Variants in RGSL1 observed in about 807,000 individuals in gnomAD.
The protein encoded by RGSL1 is regulator of G protein signaling like 1, also known as regulator of G protein signaling protein-like.
RGSL1 carries 97 observed loss-of-function variants against 124.7 expected under a neutral mutation model. That is an observed-to-expected ratio of 0.78 (90% CI 0.66 to 0.92). RGSL1 has a LOEUF of 0.92. Ranked by LOEUF, RGSL1 falls within the 40% of genes least tolerant of loss-of-function variation. The pLI is 0.00. For missense variants in RGSL1, 1,233 were observed against 1,288.4 expected, an observed-to-expected ratio of 0.96 and a Z score of 0.66; for synonymous variants, 424 against 438.1, an observed-to-expected ratio of 0.97 and a Z score of 0.40.
rs371851357 is a variant in RGSL1 at position 182,548,822 on chromosome 1, A to G, written c.2931A>G (p.Lys977=). The G allele has an allele frequency of 1.7e-5, 27 of 1,551,424 alleles. No homozygotes were observed. The African/African-American group carries it at 2.2e-4, about 13-fold the overall frequency. ...SVFPVVMYFW[K]RFCFWKATRS... ...TCCCCGTTGTTATGTACTTCTGGAAAAGGTAACTGTTTCTCCTTATTCAGT... is the reference window on the plus strand; with the variant it reads ...TCCCCGTTGTTATGTACTTCTGGAAGAGGTAACTGTTTCTCCTTATTCAGT... Residue 977 remains lysine (K), a splice_region_variant and synonymous_variant, in exon 17 of 22, where the codon AAA becomes AAG. Coordinates refer to ENST00000294854, the MANE Select transcript of RGSL1 (RefSeq NM_001137669.2).
chr1:182,522,002 A>G lies in RGSL1; in HGVS notation c.1826-2A>G. 3 of 1,510,036 alleles carry G rather than the reference A, an allele frequency of 2.0e-6. No individual in the cohort carries two copies. In the South Asian group the frequency reaches 3.8e-5, roughly 19 times the overall value. The allele number at this position is 1,510,036 out of a possible 1,614,324, so 93.5% of individuals were successfully genotyped here. ...TCTCCAACTTAGTGATTTTTTTTTT[A>G]GATTTTAAAATGGAAATTATCAAGG... is the stretch of plus-strand genomic sequence containing the variant. On this transcript the variant is annotated splice_acceptor_variant, in intron 9 of 21. Transcript: ENST00000294854. LOFTEE classifies it high-confidence loss of function.
At chr1:182,547,386 G>A (rs926767989) in intron 15 of RGSL1, among the ~76,000 whole-genome samples, 8 of 152,112 alleles carry the variant, frequency 5.3e-5, no homozygotes, top group Non-Finnish European at 1.2e-4. Flanking sequence ...AAGGATGTGG[G>A]GGAGGTAATG....
At chr1:182,532,818 C>T (rs764790732) in intron 14 of RGSL1, 27 bp downstream of exon 14, 20 of 1,541,738 alleles carry the variant, frequency 1.3e-5, no homozygotes, top group South Asian at 4.8e-5. Context: ...TTTACCCCCA[C>T]TCCCTGTTGA....
At chr1:182,499,569 ATTGC>A (rs1210338782) in intron 9 of RGSL1, among the ~76,000 whole-genome samples, 2 of 152,032 alleles carry the variant, frequency 1.3e-5, no homozygotes, top group Admixed American at 6.6e-5. Flanking sequence ...TGTGGGTGTC[ATTGC>A]ATGTGAGATG....
At chr1:182,559,378 C>T (rs1661043557) in intron 21 of RGSL1, among the ~76,000 whole-genome samples, 1 of 152,176 alleles carries the variant, frequency 6.6e-6, no homozygotes, top group Admixed American at 6.5e-5. Context: ...TCTGCCTCCC[C>T]TCCCATATTT....
intron 9 of RGSL1, among the ~76,000 whole-genome samples, chr1:182,502,264 T>C (rs1380735677): frequency 6.6e-6 from 1 of 152,134 alleles, no homozygotes; most frequent in Non-Finnish European, 1.5e-5. Flanking sequence ...CTAGTCTTTA[T>C]TATTCCTTTC....
At chr1:182,534,766 G>A (rs1478360070) in intron 14 of RGSL1, among the ~76,000 whole-genome samples, 1 of 151,986 alleles carries the variant, frequency 6.6e-6, no homozygotes, top group African/African-American at 2.4e-5. Context: ...GGCAGAGGTT[G>A]CAGTGATCCG....
intron 11 of RGSL1, among the ~76,000 whole-genome samples, 165 bp downstream of exon 11, chr1:182,527,937 C>A (rs1443470583): frequency 6.6e-6 from 1 of 152,088 alleles, no homozygotes; most frequent in Non-Finnish European, 1.5e-5. Context: ...AAGCAGAGAA[C>A]AGTAATAATA....
chr1:182,503,120 A>G (rs1251319601), intron 9 of RGSL1, among the ~76,000 whole-genome samples: 2 of 152,220 alleles, frequency 1.3e-5, no homozygotes, highest in African/African-American at 2.4e-5. Context: ...AACTAAAAAT[A>G]GAGCTATCAT....
intron 15 of RGSL1, among the ~76,000 whole-genome samples, chr1:182,541,930 GT>G (rs1659917231): frequency 1.3e-5 from 2 of 152,058 alleles, no homozygotes; most frequent in African/African-American, 4.8e-5. Context: ...GATTATTTGG[GT>G]TTTTTGTTAT....
intron 9 of RGSL1, among the ~76,000 whole-genome samples, chr1:182,494,344 T>A (rs970020506): frequency 6.6e-6 from 1 of 152,236 alleles, no homozygotes; most frequent in Non-Finnish European, 1.5e-5. Context: ...AGTAGAAGCA[T>A]TCTGCCTCCA....
At position 182,482,390 on chromosome 1, in the gene RGSL1, T is replaced by C. The variant is rs149458535; in HGVS notation, c.1432-5895T>C. ...TACTGGAAGTCCTAGCCAGAGAAAG[T>C]AGACAAGAAAAATAAAAAATAAAAA... On this transcript the variant is annotated intron_variant, in intron 6 of 21. Coordinates refer to ENST00000294854, the MANE Select transcript of RGSL1 (RefSeq NM_001137669.2). 6.5e-3 allele frequency among the ~76,000 whole-genome samples: 981 copies of C among 149,784 alleles called. 13 individuals are homozygous for C. The highest frequency in any genetic ancestry group is 0.023 in the African/African-American group (942 of 40,976).
At chr1:182,472,709 G>T in intron 5 of RGSL1, 152 bp downstream of exon 5, 1 of 720,672 alleles carries the variant, frequency 1.4e-6, no homozygotes, top group Non-Finnish European at 2.1e-6. Flanking sequence ...CCCTTAACCA[G>T]GAAAGTATTG....
chr1:182,458,519 CAGTGCGGT>C, intron 3 of RGSL1, 126 bp downstream of exon 3: 1 of 789,304 alleles, frequency 1.3e-6, no homozygotes, highest in South Asian at 1.7e-5. Flanking sequence ...ACCCAGGCTG[CAGTGCGGT>C]GATGCGATCT....
intron 7 of RGSL1, 60 bp from the exon 8 acceptor site, chr1:182,488,920 T>C (rs1655315669): frequency 7.3e-7 from 1 of 1,366,648 alleles, no homozygotes. Context: ...ATTACAAAAT[T>C]ATTGCTTCTG....
At chr1:182,464,247 A>G (rs1328097880) in intron 4 of RGSL1, among the ~76,000 whole-genome samples, 2 of 152,056 alleles carry the variant, frequency 1.3e-5, no homozygotes, top group African/African-American at 4.8e-5. Context: ...AAAAATCTCA[A>G]ATAACACAAC....
chr1:182,454,001 AGT>A lies in RGSL1; in HGVS notation c.58_59del (p.Val20LeufsTer23). On this transcript the variant is annotated frameshift_variant, in exon 2 of 22. Coordinates refer to ENST00000294854, the MANE Select transcript of RGSL1 (RefSeq NM_001137669.2). LOFTEE classifies it high-confidence loss of function. ...TNLIILLEDE[V>X]FADFFNTFLS... ...ATCTTATAATTCTGCTAGAGGATGA[AGT>A]CTTTGCCGATTTTTTCAACACATTT... 1 of 1,537,020 alleles carries A rather than the reference AGT, an allele frequency of 6.5e-7. No individual in the cohort carries two copies. The highest frequency in any genetic ancestry group is 8.8e-7 in the Non-Finnish European group (1 of 1,133,770).
At chr1:182,457,040 G>C (rs1452705192) in intron 2 of RGSL1, among the ~76,000 whole-genome samples, 2 of 152,026 alleles carry the variant, frequency 1.3e-5, no homozygotes, top group East Asian at 3.9e-4. Flanking sequence ...CCGGCTACTA[G>C]GGAGGCTGAG....
intron 10 of RGSL1, among the ~76,000 whole-genome samples, chr1:182,526,334 C>T (rs564638765): frequency 1.3e-5 from 2 of 152,118 alleles, no homozygotes; most frequent in East Asian, 1.9e-4. Context: ...ATATGAAAAC[C>T]TTCAATACAA....
Sources: allele counts gnomAD v4.1 joint callset (sites outside exome capture counted in the v4.1 genomes callset), GRCh38; gene constraint gnomAD v4.1.1; transcripts MANE v1.5; gene names NCBI Gene and HGNC (gene_info 2026-07-23, HGNC 2026-07-21).